Variants in DGKB observed in about 807,000 individuals in gnomAD.
DGKB encodes the protein 90 kDa diacylglycerol kinase.
Under a neutral mutation model 114.3 loss-of-function variants are expected in DGKB, and 67 were observed. That is an observed-to-expected ratio of 0.59 (90% CI 0.48 to 0.72). DGKB has a LOEUF of 0.72. Among genes scored for constraint, DGKB ranks in the 30% least tolerant of loss-of-function variants. DGKB has a pLI of 0.00. For synonymous variants in DGKB, 398 were observed against 323.1 expected, an observed-to-expected ratio of 1.23 and a Z score of -2.49; for missense variants, 907 against 975.2, an observed-to-expected ratio of 0.93 and a Z score of 0.93.
intron 21 of DGKB, among the ~76,000 whole-genome samples, chr7:14,420,380 T>G (rs1826469241): frequency 6.6e-6 from 1 of 152,066 alleles, no homozygotes; most frequent in Non-Finnish European, 1.5e-5. Context: ...GGTTTTCAGA[T>G]TTCAATTTTA....
At chr7:14,325,144 T>TA (rs1388720033) in intron 23 of DGKB, among the ~76,000 whole-genome samples, 8 of 152,180 alleles carry the variant, frequency 5.3e-5, no homozygotes, top group African/African-American at 1.9e-4. Context: ...TACAGCCACT[T>TA]AGAGAGTGCT....
chr7:14,146,629 C>T lies in DGKB; in HGVS notation c.*2502G>A, dbSNP rs1054727562. On this transcript the variant is annotated 3_prime_UTR_variant, in exon 26 of 26. Transcript: ENST00000402815. ...CTCTGATTTCAAACCCATCAAGTTACGTTTTTAAAAACTACTTTCCAAACC... is the reference window on the plus strand; with the variant it reads ...CTCTGATTTCAAACCCATCAAGTTATGTTTTTAAAAACTACTTTCCAAACC... The T allele has an allele frequency of 2.0e-5, 3 of 151,980 alleles. No individual in the cohort carries two copies. Among genetic ancestry groups the T allele is most frequent in the Non-Finnish European group, 2.9e-5 (2 of 67,984 alleles). The allele number at this position is 151,980 out of a possible 1,614,324, so 9.4% of individuals were successfully genotyped here.
At chr7:14,180,541 T>C (rs1328071345) in intron 23 of DGKB, among the ~76,000 whole-genome samples, 1 of 152,324 alleles carries the variant, frequency 6.6e-6, no homozygotes, top group East Asian at 1.9e-4. Context: ...TTTATAGGAA[T>C]AGTGCCATCT....
chr7:14,721,067 T>C (rs2128357994), intron 5 of DGKB, among the ~76,000 whole-genome samples: 1 of 152,344 alleles, frequency 6.6e-6, no homozygotes, highest in South Asian at 2.1e-4. Flanking sequence ...TTTTCCAATG[T>C]TTCCCCCTGT....
chr7:14,263,276 C>G (rs1797031649), intron 23 of DGKB, among the ~76,000 whole-genome samples: 1 of 152,100 alleles, frequency 6.6e-6, no homozygotes, highest in Non-Finnish European at 1.5e-5. Context: ...ATTGTATTGT[C>G]TTACAGTTTC....
At chr7:14,854,914 ATGAT>A (rs1379959246) in intron 1 of DGKB, among the ~76,000 whole-genome samples, 1 of 152,178 alleles carries the variant, frequency 6.6e-6, no homozygotes, top group Non-Finnish European at 1.5e-5. Flanking sequence ...AAACCAAAGA[ATGAT>A]TTAAAAAAAT....
At chr7:14,698,238 GA>G in intron 7 of DGKB, 69 bp from the exon 8 acceptor site, 3 of 997,104 alleles carry the variant, frequency 3.0e-6, no homozygotes, top group Non-Finnish European at 2.9e-6. Flanking sequence ...TTCACTTGCA[GA>G]AATTGTTTTG....
intron 23 of DGKB, among the ~76,000 whole-genome samples, chr7:14,269,725 T>C (rs948927129): frequency 2.0e-5 from 3 of 152,160 alleles, no homozygotes; most frequent in Non-Finnish European, 4.4e-5. Context: ...ATTTAGAAAC[T>C]TCCTATTTCA....
At chr7:14,327,033 T>C (rs1248327767) in intron 23 of DGKB, among the ~76,000 whole-genome samples, 1 of 152,214 alleles carries the variant, frequency 6.6e-6, no homozygotes, top group Non-Finnish European at 1.5e-5. Context: ...GTTGTGTTTT[T>C]TAGTTTAATT....
intron 21 of DGKB, among the ~76,000 whole-genome samples, chr7:14,459,922 A>G (rs903575960): frequency 6.6e-6 from 1 of 152,158 alleles, no homozygotes; most frequent in Non-Finnish European, 1.5e-5. Flanking sequence ...TACAAGCCAG[A>G]AGAGAGAGGG....
At chr7:14,250,158 G>C (rs1035469939) in intron 23 of DGKB, among the ~76,000 whole-genome samples, 5 of 148,128 alleles carry the variant, frequency 3.4e-5, no homozygotes, top group African/African-American at 1.2e-4. Flanking sequence ...TGGTAGAAAT[G>C]CGGTTTCACC....
At chr7:14,862,572 A>T (rs1851141812) in intron 1 of DGKB, among the ~76,000 whole-genome samples, 1 of 152,108 alleles carries the variant, frequency 6.6e-6, no homozygotes, top group Admixed American at 6.6e-5. Context: ...CACACCGTTA[A>T]TAAGCAATGA....
chr7:14,691,617 G>T (rs531886475), intron 9 of DGKB, among the ~76,000 whole-genome samples: 1 of 152,166 alleles, frequency 6.6e-6, no homozygotes, highest in South Asian at 2.1e-4. Flanking sequence ...TGTATTTTGT[G>T]ATCATTACAC....
chr7:14,702,735 T>C (rs1364988101), intron 6 of DGKB, among the ~76,000 whole-genome samples: 3 of 152,212 alleles, frequency 2.0e-5, no homozygotes, highest in African/African-American at 7.2e-5. Flanking sequence ...TGTTGATTAC[T>C]AAGCAGCATA....
intron 21 of DGKB, among the ~76,000 whole-genome samples, chr7:14,452,172 G>T (rs990701847): frequency 4.6e-5 from 7 of 151,898 alleles, no homozygotes; most frequent in Admixed American, 3.3e-4. Flanking sequence ...ACATATGTGG[G>T]CTTAAATATC....
intron 13 of DGKB, among the ~76,000 whole-genome samples, chr7:14,649,258 C>G (rs914438953): frequency 2.0e-5 from 3 of 151,168 alleles, no homozygotes; most frequent in South Asian, 4.2e-4. Flanking sequence ...AGGTCGGGTT[C>G]CCCTCAAAGG....
At chr7:14,447,118 T>C (rs1830825478) in intron 21 of DGKB, among the ~76,000 whole-genome samples, 1 of 152,142 alleles carries the variant, frequency 6.6e-6, no homozygotes, top group Non-Finnish European at 1.5e-5. Context: ...GGAGTCACTA[T>C]GGCCAACCCC....
At chr7:14,304,148 A>T (rs1299683474) in intron 23 of DGKB, among the ~76,000 whole-genome samples, 3 of 151,430 alleles carry the variant, frequency 2.0e-5, no homozygotes, top group Non-Finnish European at 2.9e-5. Context: ...CTCAAAAATA[A>T]CAAATCAACC....
chr7:14,378,931 AG>A (rs1818929574), intron 21 of DGKB, among the ~76,000 whole-genome samples: 1 of 152,146 alleles, frequency 6.6e-6, no homozygotes, highest in East Asian at 1.9e-4. Context: ...TTGGTGAAGC[AG>A]GAAAGTGGTT....
Sources: gnomAD v4.1 joint callset for allele counts (sites outside exome capture counted in the v4.1 genomes callset) on GRCh38, gnomAD v4.1.1 for gene constraint, MANE v1.5 for transcripts, NCBI Gene and HGNC (gene_info 2026-07-23, HGNC 2026-07-21) for gene names.